Variants in CPA6 observed in about 807,000 individuals in gnomAD.
CPA6 encodes the protein carboxypeptidase B.
CPA6 carries 58 observed loss-of-function variants against 63.3 expected under a neutral mutation model. The ratio of observed to expected loss-of-function variants is 0.92; its 90% confidence interval spans 0.74 to 1.14. The LOEUF (loss-of-function observed/expected upper bound fraction) is 1.14. Among genes scored for constraint, CPA6 ranks in the 50% most tolerant of loss-of-function variants. The pLI, the probability that CPA6 is intolerant of heterozygous loss-of-function variation, is 0.00. For missense variants in CPA6, 565 were observed against 526.6 expected (o/e 1.07, Z -0.71); for synonymous variants, 185 against 179.0 (o/e 1.03, Z -0.27).
At chr8:67,706,787 A>T (rs1817144470) in intron 1 of CPA6, among the ~76,000 whole-genome samples, 1 of 152,214 alleles carries the variant, frequency 6.6e-6, no homozygotes, top group Non-Finnish European at 1.5e-5. Flanking sequence ...ATCTTACCTT[A>T]CAGTCAAACT....
chr8:67,517,801 C>T, intron 3 of CPA6, 122 bp downstream of exon 3: 1 of 1,017,372 alleles, frequency 9.8e-7, no homozygotes, highest in Non-Finnish European at 1.4e-6. Context: ...GTCAGTTTTC[C>T]CCATATGAAA....
At chr8:67,513,287 T>G (rs1300449956) in intron 3 of CPA6, among the ~76,000 whole-genome samples, 2 of 152,202 alleles carry the variant, frequency 1.3e-5, no homozygotes, top group African/African-American at 4.8e-5. Context: ...AAGTAAGTCT[T>G]GAGCCAAATG....
intron 1 of CPA6, among the ~76,000 whole-genome samples, chr8:67,644,930 C>T (rs911928319): frequency 2.6e-5 from 4 of 152,158 alleles, no homozygotes; most frequent in African/African-American, 9.7e-5. Flanking sequence ...CTAAAACACA[C>T]GTGTCTCAGA....
At chr8:67,520,791 T>C (rs114716234) in intron 2 of CPA6, among the ~76,000 whole-genome samples, 4,180 of 152,308 alleles carry the variant, frequency 0.027, 184 homozygotes, top group African/African-American at 0.093. Context: ...AACAGCAGTG[T>C]CCGTAATTTA....
chr8:67,660,776 G>A (rs1816091845), intron 1 of CPA6, among the ~76,000 whole-genome samples: 4 of 152,102 alleles, frequency 2.6e-5, no homozygotes, highest in South Asian at 2.1e-4. Flanking sequence ...TGATTCCATC[G>A]GTTTTCCAAA....
chr8:67,716,017 G>A (rs773650000), intron 1 of CPA6, among the ~76,000 whole-genome samples: 1 of 151,974 alleles, frequency 6.6e-6, no homozygotes, highest in Non-Finnish European at 1.5e-5. Flanking sequence ...AGCTGGGTGT[G>A]GTGGCAGGCA....
At chr8:67,603,956 G>A (rs546197587) in intron 2 of CPA6, among the ~76,000 whole-genome samples, 14 of 152,328 alleles carry the variant, frequency 9.2e-5, no homozygotes, top group African/African-American at 2.2e-4. Context: ...TATGAGGCAT[G>A]AAAGGCAGAA....
intron 10 of CPA6, among the ~76,000 whole-genome samples, chr8:67,425,865 A>T (rs1442813841): frequency 1.3e-5 from 2 of 151,420 alleles, no homozygotes; most frequent in Non-Finnish European, 3.0e-5. Context: ...CATCACGGTG[A>T]TGTGACAGCC....
intron 1 of CPA6, among the ~76,000 whole-genome samples, chr8:67,683,519 C>G (rs1816643095): frequency 6.6e-6 from 1 of 152,162 alleles, no homozygotes; most frequent in Admixed American, 6.5e-5. Flanking sequence ...AACTCCTACT[C>G]TGACATACAA....
At chr8:67,673,751 T>TA (rs1359909710) in intron 1 of CPA6, among the ~76,000 whole-genome samples, 1 of 152,136 alleles carries the variant, frequency 6.6e-6, no homozygotes, top group East Asian at 1.9e-4. Context: ...AAGAGTGTGA[T>TA]AGACTTAATT....
intron 6 of CPA6, among the ~76,000 whole-genome samples, chr8:67,490,943 C>T (rs987950084): frequency 6.6e-6 from 1 of 152,040 alleles, no homozygotes; most frequent in African/African-American, 2.4e-5. Context: ...AGCTTTAAAA[C>T]TTTCTTCTAT....
At chr8:67,637,819 G>A (rs933478070) in intron 1 of CPA6, among the ~76,000 whole-genome samples, 1 of 151,286 alleles carries the variant, frequency 6.6e-6, no homozygotes, top group East Asian at 1.9e-4. Context: ...GAAGATTTGG[G>A]GGCTCAGTAG....
chr8:67,603,952 G>T (rs766240276), intron 2 of CPA6, among the ~76,000 whole-genome samples: 1 of 152,194 alleles, frequency 6.6e-6, no homozygotes, highest in Non-Finnish European at 1.5e-5. Context: ...TGTATATGAG[G>T]CATGAAAGGC....
In CPA6 at chr8:67,518,087, A is replaced by AG. The variant is rs373968549; in HGVS notation, c.193-41dup. ...CCAACCTATAATTCATATCCAACGTAGGGGGGGAAAATCTGTGTCACAATG... is the reference window on the plus strand; with the variant it reads ...CCAACCTATAATTCATATCCAACGTAGGGGGGGGAAAATCTGTGTCACAATG... On this transcript the variant is annotated intron_variant, in intron 2 of 10. Coordinates refer to ENST00000297770, the MANE Select transcript of CPA6 (RefSeq NM_020361.5). The AG allele has an allele frequency of 3.7e-3, 5,457 of 1,492,468 alleles. 27 individuals carry two copies. Among genetic ancestry groups the AG allele is most frequent in the South Asian group, 4.9e-3 (339 of 69,818 alleles). The allele number at this position is 1,492,468 out of a possible 1,614,324, so 92.5% of individuals were successfully genotyped here. A position where few individuals can be genotyped will look rare whatever the true frequency, so the allele number is the denominator to read the frequency against.
intron 2 of CPA6, among the ~76,000 whole-genome samples, chr8:67,551,646 T>C (rs1049879014): frequency 6.6e-6 from 1 of 152,206 alleles, no homozygotes; most frequent in African/African-American, 2.4e-5. Context: ...ATTCTTCCGA[T>C]TCTTGAGCAT....
intron 2 of CPA6, among the ~76,000 whole-genome samples, chr8:67,529,135 T>A (rs1812425140): frequency 6.6e-6 from 1 of 152,012 alleles, no homozygotes; most frequent in South Asian, 2.1e-4. Context: ...AACTTGATGT[T>A]CTTATCTACA....
intron 1 of CPA6, among the ~76,000 whole-genome samples, chr8:67,672,119 C>T (rs757775685): frequency 5.9e-5 from 9 of 152,086 alleles, no homozygotes; most frequent in South Asian, 2.1e-4. Flanking sequence ...TGTGAGCCAC[C>T]GCACCCGGCC....
chr8:67,507,548 AATTTTC>A (rs1470829456), intron 5 of CPA6, among the ~76,000 whole-genome samples: 1 of 152,188 alleles, frequency 6.6e-6, no homozygotes, highest in East Asian at 1.9e-4. Flanking sequence ...CAGGGGATCT[AATTTTC>A]ATTCATTCAT....
At chr8:67,594,501 C>T (rs991760358) in intron 2 of CPA6, among the ~76,000 whole-genome samples, 1 of 152,190 alleles carries the variant, frequency 6.6e-6, no homozygotes, top group African/African-American at 2.4e-5. Flanking sequence ...TTCCATTCTC[C>T]CCGTCACTTT....
Sources: allele counts gnomAD v4.1 joint callset (sites outside exome capture counted in the v4.1 genomes callset), GRCh38; gene constraint gnomAD v4.1.1; transcripts MANE v1.5; gene names NCBI Gene and HGNC (gene_info 2026-07-23, HGNC 2026-07-21).